FBXL2: variants seen among roughly 807,000 people sequenced by gnomAD.
The protein encoded by FBXL2 is F-box and leucine rich repeat protein 2.
FBXL2 carries 38 observed loss-of-function variants against 69.2 expected under a neutral mutation model. That is an observed-to-expected ratio of 0.55 (90% CI 0.42 to 0.72). The LOEUF is 0.72. FBXL2 is among the 30% of genes least tolerant of loss of function. The pLI is 0.00. For synonymous variants in FBXL2, 192 were observed against 201.3 expected (o/e 0.95, Z 0.39); for missense variants, 354 against 520.3 (o/e 0.68, Z 3.11).
chr3:33,337,818 A>G (rs1275518065), intron 2 of FBXL2, among the ~76,000 whole-genome samples: 1 of 152,226 alleles, frequency 6.6e-6, no homozygotes, highest in Non-Finnish European at 1.5e-5. Flanking sequence ...CTGTAGACCA[A>G]TAACGTCCAA....
In FBXL2 at chr3:33,373,266, TTA is replaced by T; in HGVS notation, c.369_370del (p.Tyr123Ter). On this transcript the variant is annotated frameshift_variant, in exon 7 of 15. Transcript: ENST00000484457. LOFTEE classifies it high-confidence loss of function. ...GCTKITDSTCYSLSRFCSKLK... is the reference protein window; with the variant it reads ...GCTKITDSTCXSLSRFCSKLK... Reference sequence around the variant, plus strand: ...TGCGTCTGCTCTTTTTCAGCACGTGTTATAGCCTTAGCAGATTCTGTTCCAAG... The same window carrying T: ...TGCGTCTGCTCTTTTTCAGCACGTGTTAGCCTTAGCAGATTCTGTTCCAAG... 1 of 1,614,080 alleles carries T rather than the reference TTA, an allele frequency of 6.2e-7. No homozygotes were observed. The highest frequency in any genetic ancestry group is 8.5e-7 in the Non-Finnish European group (1 of 1,179,934).
At chr3:33,409,506 T>G in the FBXL2 span, 1 of 1,614,192 alleles carries the variant, frequency 6.2e-7, no homozygotes, top group Non-Finnish European at 8.5e-7. Context: ...ATTCTCCATT[T>G]TCATTCTGCT....
the FBXL2 span, among the ~76,000 whole-genome samples, chr3:33,421,952 G>A: frequency 2.0e-5 from 3 of 152,172 alleles, no homozygotes; most frequent in African/African-American, 2.4e-5. Flanking sequence ...GCTGAGGCAG[G>A]AGAATCCCTT....
At chr3:33,295,587 C>T (rs994683538) in intron 1 of FBXL2, among the ~76,000 whole-genome samples, 5 of 152,144 alleles carry the variant, frequency 3.3e-5, no homozygotes, top group Non-Finnish European at 7.4e-5. Context: ...ATTTTCATTT[C>T]TCTTTAGTCT....
At chr3:33,416,957 G>C in the FBXL2 span, 1 of 791,922 alleles carries the variant, frequency 1.3e-6, no homozygotes, top group Non-Finnish European at 2.0e-6. Flanking sequence ...AATTTGCTAC[G>C]GAAGCAAATT....
At chr3:33,384,454 G>A (rs1361666667) in intron 14 of FBXL2, among the ~76,000 whole-genome samples, 6 of 152,172 alleles carry the variant, frequency 3.9e-5, no homozygotes, top group South Asian at 4.1e-4. Context: ...CCAGCTACTC[G>A]GGAGGCTGAG....
chr3:33,313,598 A>C (rs1575159545), intron 2 of FBXL2, among the ~76,000 whole-genome samples: 1 of 149,568 alleles, frequency 6.7e-6, no homozygotes. Context: ...GATACATGCC[A>C]CCATGCTCAG....
At chr3:33,374,469 G>A (rs1489768520) in intron 9 of FBXL2, among the ~76,000 whole-genome samples, 1 of 152,140 alleles carries the variant, frequency 6.6e-6, no homozygotes, top group East Asian at 1.9e-4. Flanking sequence ...CATCCTACCA[G>A]GTTTTCAAGG....
intron 2 of FBXL2, among the ~76,000 whole-genome samples, chr3:33,356,659 C>G (rs995776638): frequency 1.3e-5 from 2 of 151,728 alleles, no homozygotes; most frequent in Non-Finnish European, 2.9e-5. Context: ...GCTCGAGTTT[C>G]TAAAGAAAAA....
chr3:33,390,269 G>C, downstream of FBXL2: 1 of 1,514,554 alleles, frequency 6.6e-7, no homozygotes, highest in Non-Finnish European at 9.1e-7. Context: ...CTTGGATTCA[G>C]TCTTCACACA....
At chr3:33,327,319 A>G (rs1037695405) in intron 2 of FBXL2, among the ~76,000 whole-genome samples, 4 of 152,150 alleles carry the variant, frequency 2.6e-5, no homozygotes. Context: ...GGGTCTGCAT[A>G]GGTCTGAAAC....
In FBXL2 at chr3:33,373,309, C is replaced by T. The variant is rs368050906; in HGVS notation, c.409C>T (p.Leu137=). The T allele has an allele frequency of 1.2e-6, 2 of 1,614,018 alleles. No individual in the cohort carries two copies. The highest frequency in any genetic ancestry group is 1.7e-6 in the Non-Finnish European group (2 of 1,179,976). ...CTGTTCCAAGCTGAAACATCTGGAT[C>T]TGACCTCCTGTGTGTCTATTACAAA... The part of the protein sequence containing the change: ...RFCSKLKHLD[L]TSCVSITNSS... Residue 137 remains leucine, a synonymous_variant, in exon 7 of 15, where the codon CTG becomes TTG. Transcript: ENST00000484457.
intron 2 of FBXL2, among the ~76,000 whole-genome samples, chr3:33,334,920 A>G (rs1462128281): frequency 6.6e-6 from 1 of 151,978 alleles, no homozygotes; most frequent in Non-Finnish European, 1.5e-5. Flanking sequence ...ATCTGTACCA[A>G]AAATACCCCT....
rs1384792017 is a variant in FBXL2 at position 33,385,494 on chromosome 3, C to A, written c.1165-7C>A. ...TAAAGACTCCACTTTTTTCTTCATC[C>A]TTCCAGGCTCAGCTCCCTCATGTCA... On this transcript the variant is annotated splice_polypyrimidine_tract_variant and splice_region_variant and intron_variant, in intron 14 of 14. Transcript: ENST00000484457. The A allele has an allele frequency of 4.3e-6, 7 of 1,612,624 alleles. No individual in the cohort carries two copies. In the African/African-American group the frequency reaches 5.3e-5, roughly 12 times the overall value.
chr3:33,353,858 A>C (rs2154039137), intron 2 of FBXL2, among the ~76,000 whole-genome samples: 1 of 152,240 alleles, frequency 6.6e-6, no homozygotes, highest in South Asian at 2.1e-4. Context: ...ACCATACTCT[A>C]GCCTGGGTGA....
intron 2 of FBXL2, among the ~76,000 whole-genome samples, chr3:33,304,200 C>T (rs1401907249): frequency 6.6e-6 from 1 of 151,902 alleles, no homozygotes; most frequent in African/African-American, 2.4e-5. Flanking sequence ...TACATTTTAC[C>T]ATTGATCCAT....
At chr3:33,380,420 T>A (rs1455613236) in intron 13 of FBXL2, among the ~76,000 whole-genome samples, 1 of 151,460 alleles carries the variant, frequency 6.6e-6, no homozygotes, top group African/African-American at 2.4e-5. Flanking sequence ...TAGCCAGGCA[T>A]GGTGGCACAT....
chr3:33,359,250 C>G (rs1373922764), intron 3 of FBXL2, 33 bp from the exon 4 acceptor site: 1 of 1,569,672 alleles, frequency 6.4e-7, no homozygotes, highest in South Asian at 1.1e-5. Context: ...TTCTTTCATC[C>G]CAATCCCTCT....
chr3:33,293,893 C>T (rs2035495655), intron 1 of FBXL2, among the ~76,000 whole-genome samples: 1 of 152,154 alleles, frequency 6.6e-6, no homozygotes. Context: ...TTATGTAGAA[C>T]ACTTAACCCA....
Sources: gnomAD v4.1 joint callset for allele counts (sites outside exome capture counted in the v4.1 genomes callset) on GRCh38, gnomAD v4.1.1 for gene constraint, MANE v1.5 for transcripts, NCBI Gene and HGNC (gene_info 2026-07-23, HGNC 2026-07-21) for gene names.